The following VEPH1 variants were observed in gnomAD, a reference collection of about 807,000 sequenced individuals.
The protein encoded by VEPH1 is ventricular zone expressed PH domain containing 1.
In VEPH1, 80 loss-of-function variants were observed where a neutral mutation model predicts 85.2. That is an observed-to-expected ratio of 0.94 (90% CI 0.78 to 1.13). VEPH1 has a LOEUF of 1.13. Ranked by LOEUF, VEPH1 falls within the 50% of genes most tolerant of loss-of-function variation. The pLI, the probability that VEPH1 is intolerant of heterozygous loss-of-function variation, is 0.00. For missense variants in VEPH1, 955 were observed against 980.5 expected (o/e 0.97, Z 0.35); for synonymous variants, 297 against 348.0 (o/e 0.85, Z 1.63).
chr3:157,450,489 T>C lies in VEPH1; in HGVS notation c.529+9692A>G, dbSNP rs1005566852. ...GCTAGGGCTTCTGTGCCACAGTAAA[T>C]AGAAGTAGATATATTGGTATCCTCA... On this transcript the variant is annotated intron_variant, in intron 4 of 13. Coordinates refer to ENST00000362010, the MANE Select transcript of VEPH1 (RefSeq NM_001167912.2). Among the ~76,000 whole-genome samples the C allele has an allele frequency of 5.3e-5, 8 of 152,018 alleles. No individual in the cohort carries two copies. In the Middle Eastern group the frequency reaches 0.01, roughly 195 times the overall value.
At chr3:157,445,587 C>T (rs944303178) in intron 4 of VEPH1, among the ~76,000 whole-genome samples, 7 of 152,322 alleles carry the variant, frequency 4.6e-5, no homozygotes, top group African/African-American at 1.7e-4. Flanking sequence ...TGGCACTGCA[C>T]TCCAGCCTGG....
At chr3:157,392,926 A>G (rs1396999824) in intron 6 of VEPH1, among the ~76,000 whole-genome samples, 1 of 152,206 alleles carries the variant, frequency 6.6e-6, no homozygotes, top group Non-Finnish European at 1.5e-5. Flanking sequence ...GAAAATAGCT[A>G]TTCTATTTCT....
chr3:157,460,876 C>T, intron 3 of VEPH1, among the ~76,000 whole-genome samples: 1 of 151,820 alleles, frequency 6.6e-6, no homozygotes, highest in East Asian at 1.9e-4. Flanking sequence ...AGAGACGGGG[C>T]AGGTAAACAG....
At chr3:157,362,111 A>C (rs1447265540) in intron 9 of VEPH1, among the ~76,000 whole-genome samples, 1 of 151,730 alleles carries the variant, frequency 6.6e-6, no homozygotes, top group African/African-American at 2.4e-5. Flanking sequence ...GCTCACTGCA[A>C]CCTCCACCTC....
intron 6 of VEPH1, among the ~76,000 whole-genome samples, chr3:157,405,070 C>T (rs184261127): frequency 1.5e-4 from 23 of 152,208 alleles, no homozygotes; most frequent in African/African-American, 5.5e-4. Flanking sequence ...AAAGTCAGAT[C>T]GTCCTCCTCT....
At chr3:157,279,126 C>T (rs1386924914) in intron 12 of VEPH1, among the ~76,000 whole-genome samples, 1 of 152,068 alleles carries the variant, frequency 6.6e-6, no homozygotes, top group Non-Finnish European at 1.5e-5. Context: ...GCCAGGACCG[C>T]ATATATAGAT....
At chr3:157,453,795 T>G (rs1015720144) in intron 4 of VEPH1, among the ~76,000 whole-genome samples, 1 of 152,164 alleles carries the variant, frequency 6.6e-6, no homozygotes, top group Non-Finnish European at 1.5e-5. Flanking sequence ...CTCATGTGAG[T>G]GATAATGGAG....
At position 157,441,235 on chromosome 3, in the gene VEPH1, G is replaced by A. The variant is rs547311362; in HGVS notation, c.530-12747C>T. Among the ~76,000 whole-genome samples the A allele has an allele frequency of 2.0e-5, 3 of 152,228 alleles. No individual in the cohort carries two copies. In the South Asian group the frequency reaches 6.2e-4, roughly 32 times the overall value. On this transcript the variant is annotated intron_variant, in intron 4 of 13. Transcript: ENST00000362010. The stretch of plus-strand genomic sequence containing the variant: ...AGGGCGTGGCCTCTGTGACCAGACT[G>A]CAAAAATTCAAACTCTAGTTTTACT...
chr3:157,503,279 C>G lies in VEPH1; in HGVS notation c.-160G>C, dbSNP rs1275667460. The stretch of plus-strand genomic sequence containing the variant: ...GTCATGAAAGAAGATAGCCATACCT[C>G]TTTGCACAGGAATCTCTGGTCATAG... On this transcript the variant is annotated splice_region_variant and 5_prime_UTR_variant, in exon 1 of 14. Transcript: ENST00000362010. The G allele has an allele frequency of 1.3e-5, 2 of 152,226 alleles. No homozygotes were observed. The highest frequency in any genetic ancestry group is 2.9e-5 in the Non-Finnish European group (2 of 68,058). 9.4% of individuals were successfully genotyped at this position (152,226 alleles called of 1,614,324 possible).
At chr3:157,302,628 AAG>A (rs763232338) in intron 11 of VEPH1, among the ~76,000 whole-genome samples, 14 of 152,216 alleles carry the variant, frequency 9.2e-5, no homozygotes, top group Non-Finnish European at 1.3e-4. Context: ...CCAGAACTGT[AAG>A]AAACATTTTT....
chr3:157,422,131 T>C (rs74649922), intron 5 of VEPH1, among the ~76,000 whole-genome samples: 1 of 152,308 alleles, frequency 6.6e-6, no homozygotes, highest in East Asian at 1.9e-4. Flanking sequence ...GGAATTAGAC[T>C]GGGTTTGTGT....
chr3:157,261,433 A>G (rs1160356534), intron 13 of VEPH1, 63 bp from the exon 14 acceptor site: 1 of 1,577,480 alleles, frequency 6.3e-7, no homozygotes, highest in Non-Finnish European at 8.6e-7. Flanking sequence ...ATCTCTGGCT[A>G]CTGGAGAACT....
intron 9 of VEPH1, among the ~76,000 whole-genome samples, chr3:157,362,676 G>A (rs1038308219): frequency 1.3e-5 from 2 of 152,206 alleles, no homozygotes; most frequent in South Asian, 4.1e-4. Flanking sequence ...ATATTCAACA[G>A]TTTATTATAA....
chr3:157,389,252 C>T (rs76790171), intron 6 of VEPH1, among the ~76,000 whole-genome samples: 403 of 152,236 alleles, frequency 2.6e-3, no homozygotes, highest in Non-Finnish European at 4.9e-3. Context: ...TGAGGCATAT[C>T]ACAGTCTTCT....
chr3:157,404,463 A>G (rs1419074540), intron 6 of VEPH1, among the ~76,000 whole-genome samples: 1 of 152,202 alleles, frequency 6.6e-6, no homozygotes, highest in Non-Finnish European at 1.5e-5. Flanking sequence ...TTTGTCTTGG[A>G]TTGGGGTTTC....
At chr3:157,332,729 C>T (rs1156753031) in intron 9 of VEPH1, among the ~76,000 whole-genome samples, 1 of 152,172 alleles carries the variant, frequency 6.6e-6, no homozygotes, top group East Asian at 1.9e-4. Context: ...GGTTTGAACA[C>T]TTGTTTTCAA....
chr3:157,328,927 T>C (rs1577352879), intron 9 of VEPH1, among the ~76,000 whole-genome samples: 1 of 152,096 alleles, frequency 6.6e-6, no homozygotes, highest in African/African-American at 2.4e-5. Context: ...GGCTCAAAGA[T>C]GTCAAGTAAT....
chr3:157,353,634 T>C (rs5853781), intron 9 of VEPH1, among the ~76,000 whole-genome samples: 71 of 79,460 alleles, frequency 8.9e-4, no homozygotes, highest in Non-Finnish European at 1.1e-3. Context: ...GTTTCCCCCC[T>C]CCCTCCAAAT....
chr3:157,267,024 A>C (rs915587187), intron 12 of VEPH1, among the ~76,000 whole-genome samples: 14 of 151,916 alleles, frequency 9.2e-5, no homozygotes, highest in Non-Finnish European at 1.5e-4. Flanking sequence ...AGGATTGTCC[A>C]CTTTCACAGA....
Sources: gnomAD v4.1 joint callset for allele counts (sites outside exome capture counted in the v4.1 genomes callset) on GRCh38, gnomAD v4.1.1 for gene constraint, MANE v1.5 for transcripts, NCBI Gene and HGNC (gene_info 2026-07-23, HGNC 2026-07-21) for gene names.